ARHGEF28: variants seen among roughly 807,000 people sequenced by gnomAD.
ARHGEF28 encodes Rho guanine nucleotide exchange factor 28, also known as 190 kDa guanine nucleotide exchange factor.
ARHGEF28 carries 152 observed loss-of-function variants against 206.6 expected under a neutral mutation model. The ratio of observed to expected loss-of-function variants is 0.74; its 90% CI spans 0.64 to 0.84. The LOEUF is 0.84. Among genes scored for constraint, ARHGEF28 ranks in the 40% least tolerant of loss-of-function variants. The pLI is 0.00. For synonymous variants in ARHGEF28, 763 were observed against 776.4 expected (o/e 0.98, Z 0.29); for missense variants, 2,028 against 2,073.2 (o/e 0.98, Z 0.42).
chr5:73,699,126 G>C (rs541426542), intron 2 of ARHGEF28, among the ~76,000 whole-genome samples: 3 of 152,010 alleles, frequency 2.0e-5, no homozygotes, highest in African/African-American at 7.2e-5. Context: ...TGGCAGAAGA[G>C]GCAGCCCTAG....
chr5:73,643,725 G>C (rs915487746), intron 1 of ARHGEF28, among the ~76,000 whole-genome samples: 8 of 151,502 alleles, frequency 5.3e-5, no homozygotes, highest in Non-Finnish European at 8.8e-5. Context: ...TGAGATGTGA[G>C]GATCGCTTGC....
chr5:73,684,256 G>A (rs562101778), intron 1 of ARHGEF28, among the ~76,000 whole-genome samples: 1 of 152,226 alleles, frequency 6.6e-6, no homozygotes, highest in African/African-American at 2.4e-5. Context: ...CCAGCTTCTG[G>A]TAATCTCTAT....
At chr5:73,632,543 A>G (rs999087916) in intron 1 of ARHGEF28, among the ~76,000 whole-genome samples, 3 of 152,130 alleles carry the variant, frequency 2.0e-5, no homozygotes, top group Non-Finnish European at 4.4e-5. Context: ...CCTTATCCTA[A>G]GTTTGTCACA....
At chr5:73,832,264 C>G in intron 9 of ARHGEF28, 74 bp from the exon 10 acceptor site, 1 of 1,545,232 alleles carries the variant, frequency 6.5e-7, no homozygotes, top group Non-Finnish European at 8.8e-7. Context: ...TTCTTATGGT[C>G]TAAGAAGGTA....
chr5:73,712,321 C>T (rs1749299688), intron 2 of ARHGEF28, among the ~76,000 whole-genome samples: 1 of 152,096 alleles, frequency 6.6e-6, no homozygotes, highest in South Asian at 2.1e-4. Flanking sequence ...TATAAGTAGA[C>T]TAGGAACCCT....
chr5:73,886,310 C>T (rs963617916), intron 25 of ARHGEF28, among the ~76,000 whole-genome samples: 4 of 152,114 alleles, frequency 2.6e-5, no homozygotes, highest in African/African-American at 9.7e-5. Flanking sequence ...CAAGCTAAAA[C>T]CTTTATACAT....
chr5:73,641,404 C>CTT (rs34541531), intron 1 of ARHGEF28, among the ~76,000 whole-genome samples: 3 of 70,634 alleles, frequency 4.2e-5, no homozygotes, highest in Non-Finnish European at 6.2e-5. Flanking sequence ...AGGGGAAAGG[C>CTT]TTTTTTTTTT....
At chr5:73,780,636 T>A in intron 6 of ARHGEF28, 40 bp from the exon 7 acceptor site, 1 of 1,524,172 alleles carries the variant, frequency 6.6e-7, no homozygotes, top group Non-Finnish European at 8.8e-7. Context: ...CAAATGGTTT[T>A]CTGTGCTTTT....
At chr5:73,750,890 C>A (rs905159) in intron 3 of ARHGEF28, among the ~76,000 whole-genome samples, 50,976 of 151,992 alleles carry the variant, frequency 0.34, 9,491 homozygotes, top group African/African-American at 0.5. Flanking sequence ...TTGTCCCTAC[C>A]TGCTTCTGTA....
rs559660871 is a variant in ARHGEF28, at chr5:73,863,767, T to G, written c.2048-1050T>G. Among the ~76,000 whole-genome samples the G allele has an allele frequency of 7.2e-5, 11 of 151,966 alleles. No individual in the cohort carries two copies. The South Asian group carries it at 2.3e-3, about 32-fold the overall frequency. On this transcript the variant is annotated intron_variant, in intron 16 of 35. Coordinates refer to ENST00000513042, the MANE Select transcript of ARHGEF28 (RefSeq NM_001177693.2). ...CTGTGGTATCTTAGGGTATCTACAT[T>G]TTCCCTATTATTTACTCACTCTGCA...
chr5:73,837,241 G>C (rs936078052), intron 10 of ARHGEF28, among the ~76,000 whole-genome samples: 1 of 148,320 alleles, frequency 6.7e-6, no homozygotes, highest in African/African-American at 2.6e-5. Context: ...AGAATCTGTA[G>C]TTCACTTTGG....
intron 2 of ARHGEF28, among the ~76,000 whole-genome samples, chr5:73,717,883 TTG>T (rs1373317088): frequency 7.9e-5 from 12 of 151,974 alleles, no homozygotes; most frequent in Non-Finnish European, 1.3e-4. Context: ...TTGTCTTTTT[TTG>T]TGTGTGTGTG....
At position 73,834,542 on chromosome 5, in the gene ARHGEF28, C is replaced by CTCTGTGTGTG. The variant is rs1455818141; in HGVS notation, c.1146+2084_1146+2085insCTGTGTGTGT. 4.9e-3 allele frequency among the ~76,000 whole-genome samples: 716 copies of CTCTGTGTGTG among 146,314 alleles called. 7 individuals are homozygous for CTCTGTGTGTG. Among genetic ancestry groups the CTCTGTGTGTG allele is most frequent in the African/African-American group, 0.017 (673 of 39,234 alleles). On this transcript the variant is annotated intron_variant, in intron 10 of 35. Transcript: ENST00000513042. ...TCTTTTCTAGGGCTGAATAATATTCCTGTGTGTGTGTGTGTGTGTGTGTGT... is the reference window on the plus strand; with the variant it reads ...TCTTTTCTAGGGCTGAATAATATTCCTCTGTGTGTGTGTGTGTGTGTGTGTGTGTGTGTGT...
At chr5:73,842,794 C>T (rs1758065527) in intron 11 of ARHGEF28, among the ~76,000 whole-genome samples, 1 of 152,150 alleles carries the variant, frequency 6.6e-6, no homozygotes, top group African/African-American at 2.4e-5. Context: ...GCCTAGGCGG[C>T]CAACACGGTG....
intron 1 of ARHGEF28, among the ~76,000 whole-genome samples, chr5:73,628,475 CTGACTATAATTTTA>C (rs11268328): frequency 0.48 from 73,085 of 151,930 alleles, 18,437 homozygotes; most frequent in East Asian, 0.79. Context: ...ATTACCTAGG[CTGACTATAATTTTA>C]TTATGCTTTT....
intron 4 of ARHGEF28, among the ~76,000 whole-genome samples, chr5:73,767,016 T>A (rs1428041365): frequency 6.6e-6 from 1 of 152,186 alleles, no homozygotes; most frequent in East Asian, 1.9e-4. Flanking sequence ...ACTATACTCA[T>A]GATAGTGAAT....
rs72770861 is a variant in ARHGEF28, at chr5:73,756,286, G to A, written c.475+3084G>A. On this transcript the variant is annotated intron_variant, in intron 4 of 35. Transcript: ENST00000513042. ...TTTTCATATATAGAGTGTATTGTAT[G>A]TACTTATATGTGCATAGGTAGAAAG... Among the ~76,000 whole-genome samples, 116 of 152,326 alleles carry A rather than the reference G, an allele frequency of 7.6e-4. 1 individual carries two copies. The highest frequency in any genetic ancestry group is 1.5e-3 in the Non-Finnish European group (100 of 68,028).
At chr5:73,904,461 CTT>C in intron 33 of ARHGEF28, 56 bp downstream of exon 33, 3 of 1,505,628 alleles carry the variant, frequency 2.0e-6, no homozygotes, top group East Asian at 4.5e-5. Context: ...ATGCAATTCT[CTT>C]TGATGATTCC....
intron 35 of ARHGEF28, among the ~76,000 whole-genome samples, chr5:73,927,195 TAA>T (rs564872560): frequency 0.033 from 4,778 of 143,844 alleles, 243 homozygotes; most frequent in African/African-American, 0.11. Flanking sequence ...AGCCCATCAC[TAA>T]AAAAAAAAAT....
Sources: allele counts gnomAD v4.1 joint callset (sites outside exome capture counted in the v4.1 genomes callset), GRCh38; gene constraint gnomAD v4.1.1; transcripts MANE v1.5; gene names NCBI Gene and HGNC (gene_info 2026-07-23, HGNC 2026-07-21).